RNF145: variants seen among roughly 807,000 people sequenced by gnomAD.
RNF145 encodes ring finger protein 145.
Under a neutral mutation model 57.3 loss-of-function variants are expected in RNF145, and 12 were observed. The ratio of observed to expected loss-of-function variants is 0.21; its 90% CI spans 0.13 to 0.34. RNF145 has a LOEUF of 0.34. RNF145 is among the 10% of genes least tolerant of loss of function. RNF145 has a pLI of 1.00. For missense variants in RNF145, 429 were observed against 799.0 expected, an observed-to-expected ratio of 0.54 and a Z score of 5.58; for synonymous variants, 262 against 288.3, an observed-to-expected ratio of 0.91 and a Z score of 0.92.
intron 3 of RNF145, among the ~76,000 whole-genome samples, chr5:159,187,234 A>T (rs1785100194): frequency 6.6e-6 from 1 of 151,926 alleles, no homozygotes; most frequent in Non-Finnish European, 1.5e-5. Flanking sequence ...GTGAGCCAAG[A>T]TCACGCCATT....
At chr5:159,161,173 C>T (rs1196642896) in intron 10 of RNF145, 93 bp downstream of exon 10, 3 of 705,330 alleles carry the variant, frequency 4.3e-6, no homozygotes, top group South Asian at 2.7e-5. Context: ...ATAATTTTGC[C>T]TAGAAATTTA....
intron 2 of RNF145, among the ~76,000 whole-genome samples, chr5:159,198,347 C>A (rs1584706893): frequency 1.3e-5 from 2 of 152,094 alleles, no homozygotes; most frequent in African/African-American, 4.8e-5. Flanking sequence ...AAATGATGAC[C>A]TGCTTAAAAC....
At chr5:159,163,779 A>C (rs1784306730) in intron 8 of RNF145, among the ~76,000 whole-genome samples, 1 of 152,178 alleles carries the variant, frequency 6.6e-6, no homozygotes, top group Non-Finnish European at 1.5e-5. Flanking sequence ...TTTCCATCCA[A>C]GCTTGTCAAA....
chr5:159,199,878 C>T (rs1393191211), intron 2 of RNF145, among the ~76,000 whole-genome samples: 5 of 152,184 alleles, frequency 3.3e-5, no homozygotes, highest in Non-Finnish European at 7.3e-5. Context: ...AGAACCCACC[C>T]TGGAAAGCTT....
intron 8 of RNF145, among the ~76,000 whole-genome samples, chr5:159,167,834 G>C: frequency 6.6e-6 from 1 of 152,200 alleles, no homozygotes; most frequent in East Asian, 1.9e-4. Flanking sequence ...TAGAATGTTT[G>C]GCAATGTGTG....
intron 8 of RNF145, among the ~76,000 whole-genome samples, chr5:159,167,151 C>T (rs949483704): frequency 6.6e-6 from 1 of 152,072 alleles, no homozygotes; most frequent in Non-Finnish European, 1.5e-5. Context: ...AACTTTATTT[C>T]ATTTGTTTTA....
intron 1 of RNF145, among the ~76,000 whole-genome samples, chr5:159,209,017 G>A (rs1786007546): frequency 6.6e-6 from 1 of 151,910 alleles, no homozygotes; most frequent in African/African-American, 2.4e-5. Flanking sequence ...CGCGGGAAGA[G>A]CTAGAGGATG....
At chr5:159,177,840 A>C (rs1784766781) in intron 4 of RNF145, among the ~76,000 whole-genome samples, 1 of 152,014 alleles carries the variant, frequency 6.6e-6, no homozygotes, top group Non-Finnish European at 1.5e-5. Flanking sequence ...AAATTTTTTA[A>C]ATTGGCATTT....
In RNF145 at chr5:159,181,945, T is replaced by G. The variant is rs1009032347; in HGVS notation, c.385+15A>C. 1 of 1,470,456 alleles carries G rather than the reference T, an allele frequency of 6.8e-7. No individual in the cohort carries two copies. Among genetic ancestry groups the G allele is most frequent in the Non-Finnish European group, 9.5e-7 (1 of 1,052,962 alleles). 91.1% of individuals were successfully genotyped at this position (1,470,456 alleles called of 1,614,324 possible). A position where few individuals can be genotyped will look rare whatever the true frequency, so the allele number is the denominator to read the frequency against. On this transcript the variant is annotated intron_variant, in intron 4 of 10. Coordinates refer to ENST00000424310, the MANE Select transcript of RNF145 (RefSeq NM_001199383.2). ...TCGGTTCCTACCTACACTTTAATTC[T>G]TTTATAATACTTACCTATTAAGGCT... is the stretch of plus-strand genomic sequence containing the variant.
In RNF145 at chr5:159,158,756, G is replaced by C. The variant is rs781363644; in HGVS notation, c.1906C>G (p.Arg636Gly). 3.1e-6 allele frequency: 5 copies of C among 1,613,762 alleles called. No individual in the cohort carries two copies. The East Asian group carries it at 1.1e-4, about 36-fold the overall frequency. ...AAAGCCCCTTCCTGGTTATCTGGTC[G>C]TCTGGCAATGTACTCATTATTGTCC... ...SRDNNEYIAR[R>G]PDNQEGAFDP... Residue 636 changes from arginine to glycine, a missense_variant, in exon 11 of 11, where the codon CGA (arginine) becomes GGA (glycine). Transcript: ENST00000424310.
chr5:159,157,944 T>G lies in RNF145; in HGVS notation c.*726A>C, dbSNP rs932971195. ...TTTACTTCACACAGCCAGCGAAGTA[T>G]ACAACATATTTAACAAAAGTTTCAT... is the stretch of plus-strand genomic sequence containing the variant. On this transcript the variant is annotated 3_prime_UTR_variant, in exon 11 of 11. Transcript: ENST00000424310. 1 of 152,774 alleles carries G rather than the reference T, an allele frequency of 6.5e-6. No homozygotes were observed. The highest frequency in any genetic ancestry group is 6.5e-5 in the Admixed American group (1 of 15,278). 9.5% of individuals were successfully genotyped at this position (152,774 alleles called of 1,614,324 possible).
chr5:159,161,737 T>C (rs752240857), intron 9 of RNF145, 115 bp from the exon 10 acceptor site: 180 of 648,360 alleles, frequency 2.8e-4, no homozygotes, highest in Admixed American at 2.9e-4. Context: ...ATTTCAAATA[T>C]ACAGAAGAGT....
chr5:159,183,053 AT>A (rs1784947028), intron 3 of RNF145, among the ~76,000 whole-genome samples: 1 of 152,114 alleles, frequency 6.6e-6, no homozygotes, highest in Admixed American at 6.5e-5. Context: ...CCGGAAGGGT[AT>A]TTGCAAAAAA....
chr5:159,204,030 G>A (rs1785770685), intron 1 of RNF145, among the ~76,000 whole-genome samples: 3 of 152,158 alleles, frequency 2.0e-5, no homozygotes, highest in South Asian at 4.1e-4. Context: ...GCTCATAAGA[G>A]GGTGAATTTT....
In RNF145 at chr5:159,169,012, T is replaced by A; in HGVS notation, c.982A>T (p.Thr328Ser). The A allele has an allele frequency of 1.2e-6, 2 of 1,601,504 alleles. No individual in the cohort carries two copies. Among genetic ancestry groups the A allele is most frequent in the South Asian group, 2.3e-5 (2 of 88,632 alleles). The part of the protein sequence containing the change: ...GVTLLILAVQ[T>S]GLIELQVVHR... ...ACAACCTGCAGTTCTATCAGCCCAGTCTGCACTGCCAGGATTAACAGCGTT... is the reference window on the plus strand; with the variant it reads ...ACAACCTGCAGTTCTATCAGCCCAGACTGCACTGCCAGGATTAACAGCGTT... Residue 328 changes from threonine (T) to serine (S), a missense_variant, in exon 8 of 11, where the codon ACT becomes TCT. This residue lies in a region of RNF145 where 216 missense variants were observed against 457.6 expected (regional missense o/e 0.47). Transcript: ENST00000424310.
intron 2 of RNF145, 142 bp downstream of exon 2, chr5:159,203,292 C>T: frequency 1.6e-6 from 1 of 618,178 alleles, no homozygotes; most frequent in South Asian, 2.1e-5. Flanking sequence ...ACAAAACTAT[C>T]AAGATTCATA....
chr5:159,202,898 T>A (rs1288794647), intron 2 of RNF145, among the ~76,000 whole-genome samples: 1 of 152,044 alleles, frequency 6.6e-6, no homozygotes, highest in Non-Finnish European at 1.5e-5. Flanking sequence ...ATAGTTCCAT[T>A]TTTCTTGAAA....
chr5:159,169,748 C>T lies in RNF145; in HGVS notation c.869G>A (p.Gly290Asp). Residue 290 changes from glycine (G) to aspartate (D), a missense_variant, in exon 7 of 11, where the codon GGT becomes GAT. This residue lies in a region of RNF145 where 216 missense variants were observed against 457.6 expected (regional missense o/e 0.47). Transcript: ENST00000424310. ...GTAAAACTTGCAGAGTGTGAGAACA[C>T]CCAAGGCAACAAAAGAAACCGTGAA... ...LVFTVSFVALGVLTLCKFYLQ... is the reference protein window; with the variant it reads ...LVFTVSFVALDVLTLCKFYLQ... The T allele has an allele frequency of 6.2e-7, 1 of 1,613,200 alleles. No individual in the cohort carries two copies. Among genetic ancestry groups the T allele is most frequent in the South Asian group, 1.1e-5 (1 of 90,998 alleles).
upstream of RNF145, chr5:159,209,655 C>T: frequency 8.2e-6 from 8 of 979,154 alleles, no homozygotes; most frequent in Non-Finnish European, 1.1e-5. Context: ...ATCGCGCCCG[C>T]GGAGTGCTTT....
Sources: allele counts gnomAD v4.1 joint callset (sites outside exome capture counted in the v4.1 genomes callset), GRCh38; gene constraint gnomAD v4.1.1; regional missense constraint gnomAD v4.1.1; transcripts MANE v1.5; gene names NCBI Gene and HGNC (gene_info 2026-07-23, HGNC 2026-07-21).